The following NAALADL2 variants were observed in gnomAD, a reference collection of about 807,000 sequenced individuals.
The protein encoded by NAALADL2 is inactive N-acetylated-alpha-linked acidic dipeptidase-like protein 2.
A neutral mutation model predicts 87.2 loss-of-function variants in NAALADL2; 76 were observed. The ratio of observed to expected loss-of-function variants is 0.87; its 90% CI spans 0.72 to 1.05. The LOEUF (loss-of-function observed/expected upper bound fraction) is 1.05. Ranked by LOEUF, NAALADL2 falls within the 50% of genes least tolerant of loss-of-function variation. The pLI is 0.00. For missense variants in NAALADL2, 1,089 were observed against 945.8 expected (o/e 1.15, Z -1.99); for synonymous variants, 354 against 331.0 (o/e 1.07, Z -0.75).
intron 10 of NAALADL2, among the ~76,000 whole-genome samples, chr3:175,618,870 C>T (rs1438727898): frequency 6.6e-6 from 1 of 152,024 alleles, no homozygotes; most frequent in Admixed American, 6.6e-5. Flanking sequence ...TTCCGTATAC[C>T]TCATCTATAC....
chr3:175,319,583 G>C (rs543941834), intron 4 of NAALADL2, among the ~76,000 whole-genome samples: 28 of 152,238 alleles, frequency 1.8e-4, no homozygotes, highest in African/African-American at 6.3e-4. Flanking sequence ...CCTTCGGGAG[G>C]CCGAGTCGGC....
At chr3:175,131,996 A>T (rs189991368) in intron 2 of NAALADL2, among the ~76,000 whole-genome samples, 2 of 75,186 alleles carry the variant, frequency 2.7e-5, no homozygotes, top group African/African-American at 4.9e-5. Context: ...CGGGAGGGGG[A>T]CTGACCCCCC....
In NAALADL2 at chr3:175,426,830, C is replaced by T. The variant is rs79359751; in HGVS notation, c.1091-20399C>T. On this transcript the variant is annotated intron_variant, in intron 5 of 13. Transcript: ENST00000454872. ...CTGATCAGCAGCTGCCTATTTCTAACGGCAGCTATGCAGCTCGTAGCTGAT... is the reference window on the plus strand; with the variant it reads ...CTGATCAGCAGCTGCCTATTTCTAATGGCAGCTATGCAGCTCGTAGCTGAT... 7.9e-3 allele frequency among the ~76,000 whole-genome samples: 1,201 copies of T among 152,244 alleles called. 9 individuals are homozygous for T. Among genetic ancestry groups the T allele is most frequent in the Non-Finnish European group, 0.014 (920 of 68,018 alleles).
intron 2 of NAALADL2, among the ~76,000 whole-genome samples, chr3:175,136,223 G>A (rs1729091504): frequency 6.6e-6 from 1 of 152,118 alleles, no homozygotes; most frequent in Non-Finnish European, 1.5e-5. Context: ...GGGAAAACAT[G>A]TACACTAAAG....
At chr3:175,462,481 T>C (rs1723293693) in intron 6 of NAALADL2, among the ~76,000 whole-genome samples, 1 of 152,184 alleles carries the variant, frequency 6.6e-6, no homozygotes, top group South Asian at 2.1e-4. Flanking sequence ...ATTATTACAA[T>C]TTCTATCTAG....
chr3:174,604,751 T>A (rs1204221102), intron 2 of NAALADL2, among the ~76,000 whole-genome samples: 1 of 151,810 alleles, frequency 6.6e-6, no homozygotes, highest in Non-Finnish European at 1.5e-5. Flanking sequence ...TATGTTTTGT[T>A]CTTTTCTTTT....
intron 3 of NAALADL2, among the ~76,000 whole-genome samples, chr3:175,244,506 G>A (rs1418581210): frequency 1.3e-5 from 2 of 151,768 alleles, no homozygotes; most frequent in Non-Finnish European, 2.9e-5. Context: ...TGAGCTGTAC[G>A]TTAGCTCAGA....
At chr3:174,693,059 T>G (rs1728727299) in intron 2 of NAALADL2, among the ~76,000 whole-genome samples, 1 of 151,910 alleles carries the variant, frequency 6.6e-6, no homozygotes, top group African/African-American at 2.4e-5. Flanking sequence ...AGTAGAAGTC[T>G]AAGTTCATGA....
chr3:174,566,138 A>G lies in NAALADL2; in HGVS notation c.-115+15501A>G, dbSNP rs1289197782. On this transcript the variant is annotated intron_variant, in intron 2 of 3. Coordinates refer to the NAALADL2 transcript ENST00000434257. Reference sequence around the variant, plus strand: ...TCATATATAGTTGAAGTCTAAAGTTAAACTGTAGTACTAGGATCTTAGAAC... The same window carrying G: ...TCATATATAGTTGAAGTCTAAAGTTGAACTGTAGTACTAGGATCTTAGAAC... Among the ~76,000 whole-genome samples, 3 of 151,960 alleles carry G rather than the reference A, an allele frequency of 2.0e-5. No individual in the cohort carries two copies. In the East Asian group the frequency reaches 5.8e-4, roughly 29 times the overall value.
rs184839892 is a variant in NAALADL2 at position 175,194,426 on chromosome 3, C to T, written c.546-39505C>T. ...ATCTAAGAACTAAATTCTGAAAATCCCTTAAGGGGCTTGACAGAAGTATTT... is the reference window on the plus strand; with the variant it reads ...ATCTAAGAACTAAATTCTGAAAATCTCTTAAGGGGCTTGACAGAAGTATTT... On this transcript the variant is annotated intron_variant, in intron 2 of 13. Transcript: ENST00000454872. Among the ~76,000 whole-genome samples, 5 of 151,908 alleles carry T rather than the reference C, an allele frequency of 3.3e-5. No homozygotes were observed. The East Asian group carries it at 9.7e-4, about 29-fold the overall frequency.
At chr3:175,713,231 T>C (rs1260999444) in intron 11 of NAALADL2, among the ~76,000 whole-genome samples, 2 of 152,132 alleles carry the variant, frequency 1.3e-5, no homozygotes, top group Admixed American at 6.6e-5. Flanking sequence ...ACAAAATGCT[T>C]AGCAGTTCAA....
intron 1 of NAALADL2, among the ~76,000 whole-genome samples, chr3:174,878,454 G>C (rs912566239): frequency 6.6e-6 from 1 of 152,084 alleles, no homozygotes; most frequent in African/African-American, 2.4e-5. Context: ...ATGTTGCTAT[G>C]AAGAATCCAA....
intron 9 of NAALADL2, among the ~76,000 whole-genome samples, chr3:175,569,323 G>T: frequency 6.6e-6 from 1 of 152,238 alleles, no homozygotes; most frequent in East Asian, 1.9e-4. Flanking sequence ...CCATTAGTTA[G>T]AAATTAAAGT....
intron 1 of NAALADL2, among the ~76,000 whole-genome samples, chr3:174,503,120 A>T (rs1192313950): frequency 6.6e-6 from 1 of 152,174 alleles, no homozygotes; most frequent in East Asian, 1.9e-4. Flanking sequence ...GAAACAAGGC[A>T]AATTGGAATG....
chr3:174,908,819 G>A (rs1298031999), intron 1 of NAALADL2, among the ~76,000 whole-genome samples: 1 of 151,866 alleles, frequency 6.6e-6, no homozygotes, highest in Non-Finnish European at 1.5e-5. Flanking sequence ...CCAATTATTA[G>A]ATCTATGGCA....
chr3:175,474,126 G>C (rs751257237), intron 9 of NAALADL2, among the ~76,000 whole-genome samples: 3 of 151,856 alleles, frequency 2.0e-5, no homozygotes, highest in Non-Finnish European at 4.4e-5. Context: ...TCTCATTGTG[G>C]TTTTTTTATT....
intron 1 of NAALADL2, chr3:174,863,956 A>G: frequency 2.4e-6 from 1 of 421,630 alleles, no homozygotes; most frequent in Non-Finnish European, 4.7e-6. Flanking sequence ...GTTGACATTT[A>G]GATATTGAGG....
chr3:174,868,990 A>G (rs1043382829), intron 1 of NAALADL2, among the ~76,000 whole-genome samples: 1 of 152,154 alleles, frequency 6.6e-6, no homozygotes, highest in African/African-American at 2.4e-5. Flanking sequence ...GTCTGAGCAG[A>G]AATAAAAGAA....
At chr3:175,032,346 G>A (rs920286008) in intron 1 of NAALADL2, among the ~76,000 whole-genome samples, 1 of 151,930 alleles carries the variant, frequency 6.6e-6, no homozygotes. Context: ...ACAAATACTA[G>A]TGCTAGTGAT....
Sources: allele counts gnomAD v4.1 joint callset (sites outside exome capture counted in the v4.1 genomes callset), GRCh38; gene constraint gnomAD v4.1.1; transcripts MANE v1.5; gene names NCBI Gene and HGNC (gene_info 2026-07-23, HGNC 2026-07-21).